Variants in GSE1 observed in about 807,000 individuals in gnomAD.
The protein encoded by GSE1 is Gse1 coiled-coil protein.
GSE1 carries 32 observed loss-of-function variants against 112.6 expected under a neutral mutation model. The ratio of observed to expected loss-of-function variants is 0.28; its 90% CI spans 0.21 to 0.38. The LOEUF (loss-of-function observed/expected upper bound fraction) is 0.38, where lower values mean the gene tolerates loss of function less well. GSE1 is among the 10% of genes least tolerant of loss of function. The pLI is 1.00. For missense variants in GSE1, 2,348 were observed against 1,699.2 expected, an observed-to-expected ratio of 1.38 and a Z score of -6.71; for synonymous variants, 1,115 against 735.6, an observed-to-expected ratio of 1.52 and a Z score of -8.35.
intron 2 of GSE1, among the ~76,000 whole-genome samples, chr16:85,648,038 C>T (rs1057428274): frequency 2.6e-5 from 4 of 151,886 alleles, no homozygotes; most frequent in Non-Finnish European, 5.9e-5. Flanking sequence ...GTCTCTGCTG[C>T]TTACACGTGG....
intron 2 of GSE1, among the ~76,000 whole-genome samples, chr16:85,396,770 G>C (rs896135951): frequency 2.6e-5 from 4 of 152,216 alleles, no homozygotes; most frequent in African/African-American, 9.6e-5. Context: ...GAGGGTGGCG[G>C]CAGGGGAGGC....
At chr16:85,494,875 C>T (rs1340553539) in intron 2 of GSE1, among the ~76,000 whole-genome samples, 1 of 152,220 alleles carries the variant, frequency 6.6e-6, no homozygotes, top group Non-Finnish European at 1.5e-5. Flanking sequence ...CTGTGGCAGC[C>T]CCCACACAGA....
rs145894809 is a variant in GSE1 at position 85,665,454 on chromosome 16, A to AG, written c.2758+329dup. Among the ~76,000 whole-genome samples, 257 of 152,272 alleles carry AG rather than the reference A, an allele frequency of 1.7e-3. 6 individuals are homozygous for AG. In the East Asian group the frequency reaches 0.045, roughly 27 times the overall value. On this transcript the variant is annotated intron_variant, in intron 12 of 15. Transcript: ENST00000253458. ...GCCAATCCAATGGTACCATCCCAGG[A>AG]GGGAGGGCGTGCTCCAGCCTTAGTG...
intron 1 of GSE1, among the ~76,000 whole-genome samples, chr16:85,194,764 G>A (rs2074895320): frequency 6.6e-6 from 1 of 152,180 alleles, no homozygotes; most frequent in Non-Finnish European, 1.5e-5. Context: ...TCAGGAAATG[G>A]CTGAAAAGAC....
At chr16:85,657,910 TGAA>T (rs1231196680) in intron 8 of GSE1, among the ~76,000 whole-genome samples, 1 of 152,236 alleles carries the variant, frequency 6.6e-6, no homozygotes, top group Non-Finnish European at 1.5e-5. Context: ...TCACAGCAGA[TGAA>T]GAGTGCAAGG....
intron 2 of GSE1, among the ~76,000 whole-genome samples, chr16:85,527,046 G>T (rs994044427): frequency 6.6e-6 from 1 of 152,224 alleles, no homozygotes; most frequent in Admixed American, 6.5e-5. Context: ...GGGAGGGGGT[G>T]GCCCTCTCCC....
At chr16:85,424,863 G>C (rs2048932331) in intron 2 of GSE1, among the ~76,000 whole-genome samples, 1 of 152,274 alleles carries the variant, frequency 6.6e-6, no homozygotes, top group Non-Finnish European at 1.5e-5. Flanking sequence ...ACAGCGATCA[G>C]TGGAAAAATC....
At chr16:85,490,124 G>T (rs1427523765) in intron 2 of GSE1, 1 of 152,508 alleles carries the variant, frequency 6.6e-6, no homozygotes, top group Non-Finnish European at 1.5e-5. Flanking sequence ...ACAGGTGGGG[G>T]TGGTGGCAGA....
chr16:85,430,106 TC>T (rs1026360128), intron 2 of GSE1, among the ~76,000 whole-genome samples: 1 of 152,056 alleles, frequency 6.6e-6, no homozygotes, highest in African/African-American at 2.4e-5. Context: ...GTGAGCAGGG[TC>T]CCTGCAATAT....
chr16:85,672,354 G>A, intron 15 of GSE1, 51 bp from the exon 16 acceptor site: 6 of 1,455,478 alleles, frequency 4.1e-6, no homozygotes, highest in African/African-American at 1.4e-5. Context: ...CTACATGCTT[G>A]TCCTTACAGA....
chr16:85,207,085 G>C (rs2075131581), intron 1 of GSE1, among the ~76,000 whole-genome samples: 1 of 152,244 alleles, frequency 6.6e-6, no homozygotes, highest in Admixed American at 6.5e-5. Context: ...TGGTGATGGG[G>C]ACAGGCTGGC....
intron 1 of GSE1, among the ~76,000 whole-genome samples, chr16:85,273,715 G>C (rs936682639): frequency 6.6e-6 from 1 of 152,054 alleles, no homozygotes; most frequent in African/African-American, 2.4e-5. Context: ...TTGAGATGGA[G>C]TTTAGCCCTT....
intron 2 of GSE1, among the ~76,000 whole-genome samples, chr16:85,381,181 G>A (rs1038054537): frequency 3.9e-5 from 6 of 152,178 alleles, no homozygotes; most frequent in Non-Finnish European, 8.8e-5. Flanking sequence ...TATTCTGGAC[G>A]TTTCACAGAA....
chr16:85,665,163 G>A, intron 12 of GSE1, 35 bp downstream of exon 12: 1 of 1,308,134 alleles, frequency 7.6e-7, no homozygotes, highest in Non-Finnish European at 1.1e-6. Context: ...CCACCACCCA[G>A]GACCATCCCA....
chr16:85,604,517 T>C (rs1223749585), intron 1 of GSE1, among the ~76,000 whole-genome samples: 1 of 151,622 alleles, frequency 6.6e-6, no homozygotes, highest in African/African-American at 2.4e-5. Flanking sequence ...TGCCTCACTG[T>C]GTATCAGGCC....
intron 2 of GSE1, among the ~76,000 whole-genome samples, chr16:85,508,243 A>G (rs573550997): frequency 1.3e-5 from 2 of 152,280 alleles, no homozygotes; most frequent in East Asian, 1.9e-4. Context: ...CATGTTGGCC[A>G]GGCTGGTCTG....
intron 1 of GSE1, among the ~76,000 whole-genome samples, chr16:85,632,217 C>T (rs1472233831): frequency 6.6e-6 from 1 of 152,222 alleles, no homozygotes; most frequent in African/African-American, 2.4e-5. Flanking sequence ...CTGCAGGGCA[C>T]GGCCACGGCG....
At chr16:85,588,225 G>C (rs1321218177) in intron 1 of GSE1, among the ~76,000 whole-genome samples, 1 of 152,194 alleles carries the variant, frequency 6.6e-6, no homozygotes, top group African/African-American at 2.4e-5. Flanking sequence ...CCCACTGCTG[G>C]CTGCCACCAG....
chr16:85,313,009 T>A (rs1388288059), intron 1 of GSE1, among the ~76,000 whole-genome samples: 3 of 149,664 alleles, frequency 2.0e-5, no homozygotes, highest in Non-Finnish European at 4.4e-5. Context: ...GCGGGCAGCC[T>A]CCCTGGGAGA....
Sources: allele counts gnomAD v4.1 joint callset (sites outside exome capture counted in the v4.1 genomes callset), GRCh38; gene constraint gnomAD v4.1.1; transcripts MANE v1.5; gene names NCBI Gene and HGNC (gene_info 2026-07-23, HGNC 2026-07-21).